The following POF1B variants were observed in gnomAD, a reference collection of about 807,000 sequenced individuals.
POF1B encodes POF1B actin binding protein.
In POF1B, 53 loss-of-function variants were observed where a neutral mutation model predicts 55.3. That is an observed-to-expected ratio of 0.96 (90% CI 0.77 to 1.20). The LOEUF (loss-of-function observed/expected upper bound fraction) is 1.20, where lower values mean the gene tolerates loss of function less well. Among genes scored for constraint, POF1B ranks in the 50% most tolerant of loss-of-function variants. POF1B has a pLI of 0.00. For synonymous variants in POF1B, 188 were observed against 148.3 expected (o/e 1.27, Z -1.95); for missense variants, 478 against 420.5 (o/e 1.14, Z -1.20).
chrX:85,352,229 T>C (rs1933405369), intron 4 of POF1B, among the ~76,000 whole-genome samples: 2 of 111,301 alleles, frequency 1.8e-5, no homozygotes, highest in Non-Finnish European at 3.8e-5. Flanking sequence ...TCCTTTGGTT[T>C]TCATTTGAAG....
At chrX:85,307,858 TGACTCTCTGGCTTTAAGCATTAAATTGCC>T (rs779597783) in intron 10 of POF1B, among the ~76,000 whole-genome samples, 1 of 112,194 alleles carries the variant, frequency 8.9e-6, no homozygotes, top group Non-Finnish European at 1.9e-5. Context: ...ACTTTGCAGA[TGACTCTCTGGCTTTAAGCATTAAATTGCC>T]TTAGTGGTAA....
At chrX:85,371,833 G>A (rs2343538) in intron 2 of POF1B, among the ~76,000 whole-genome samples, 7,340 of 111,018 alleles carry the variant, frequency 0.066, 543 homozygotes, top group African/African-American at 0.22. Flanking sequence ...AAAACGCGTG[G>A]TACATTTACA....
At chrX:85,311,277 C>T (rs756743710) in intron 9 of POF1B, among the ~76,000 whole-genome samples, 133 of 110,847 alleles carry the variant, frequency 1.2e-3, no homozygotes, top group African/African-American at 4.2e-3. Flanking sequence ...TAGGTATACA[C>T]GTGCCATGGT....
chrX:85,320,545 A>G (rs963589050), intron 7 of POF1B, among the ~76,000 whole-genome samples: 2 of 111,369 alleles, frequency 1.8e-5, no homozygotes, highest in African/African-American at 6.5e-5. Context: ...AAAAAGCAAG[A>G]GCAAACACAT....
intron 8 of POF1B, among the ~76,000 whole-genome samples, chrX:85,314,874 AG>A (rs1019829794): frequency 9.8e-5 from 11 of 111,810 alleles, no homozygotes; most frequent in Non-Finnish European, 1.9e-4. Context: ...GTTGAGTGAC[AG>A]ATATGACATT....
intron 15 of POF1B, among the ~76,000 whole-genome samples, chrX:85,283,904 C>CA (rs1241338241): frequency 1.8e-5 from 2 of 111,154 alleles, no homozygotes; most frequent in African/African-American, 6.5e-5. Flanking sequence ...TGTTAAAGTA[C>CA]TTTTTTAAAA....
intron 7 of POF1B, among the ~76,000 whole-genome samples, chrX:85,325,844 G>T (rs911676574): frequency 1.8e-5 from 2 of 111,252 alleles, no homozygotes; most frequent in East Asian, 5.7e-4. Context: ...CCTTTGGTTG[G>T]TTATTTTTTT....
At chrX:85,284,779 T>C (rs1177274301) in intron 15 of POF1B, among the ~76,000 whole-genome samples, 1 of 111,687 alleles carries the variant, frequency 9.0e-6, no homozygotes, top group Non-Finnish European at 1.9e-5. Context: ...CCAAAAGCAA[T>C]GGCAACAAAA....
intron 9 of POF1B, among the ~76,000 whole-genome samples, chrX:85,311,826 A>C (rs1428406855): frequency 3.6e-5 from 4 of 110,711 alleles, no homozygotes; most frequent in Non-Finnish European, 5.7e-5. Flanking sequence ...CTCCACATCC[A>C]CTCCAGCATC....
chrX:85,319,666 G>A (rs965330127), intron 7 of POF1B, among the ~76,000 whole-genome samples: 1 of 111,220 alleles, frequency 9.0e-6, no homozygotes, highest in Non-Finnish European at 1.9e-5. Context: ...ATGGTAAGTA[G>A]CATTTATTGA....
intron 6 of POF1B, among the ~76,000 whole-genome samples, chrX:85,342,972 T>C (rs760467050): frequency 1.9e-5 from 2 of 105,885 alleles, no homozygotes; most frequent in South Asian, 8.6e-4. Flanking sequence ...TGTAGAGTGG[T>C]GCTTCCAAGG....
chrX:85,354,207 C>A (rs1463282533), intron 4 of POF1B, among the ~76,000 whole-genome samples: 1 of 110,685 alleles, frequency 9.0e-6, no homozygotes, highest in South Asian at 3.8e-4. Flanking sequence ...GTAAAAATGA[C>A]ACTTGTTTTA....
intron 3 of POF1B, among the ~76,000 whole-genome samples, chrX:85,364,805 G>A (rs750556672): frequency 4.0e-4 from 45 of 112,020 alleles, no homozygotes; most frequent in African/African-American, 1.4e-3. Context: ...CTCTAGCAAG[G>A]CTAGGGAAGT....
chrX:85,310,049 G>C (rs1271163992), intron 9 of POF1B, among the ~76,000 whole-genome samples: 1 of 111,664 alleles, frequency 9.0e-6, no homozygotes, highest in Non-Finnish European at 1.9e-5. Flanking sequence ...ATGAGACCCA[G>C]AGAGTCACAA....
chrX:85,323,479 A>G (rs1449101900), intron 7 of POF1B, among the ~76,000 whole-genome samples: 1 of 108,256 alleles, frequency 9.2e-6, no homozygotes, highest in East Asian at 2.9e-4. Context: ...TAGCATTAGG[A>G]GATATACCTA....
At chrX:85,290,136 A>G (rs544739799) in intron 15 of POF1B, among the ~76,000 whole-genome samples, 1 of 110,849 alleles carries the variant, frequency 9.0e-6, no homozygotes, top group East Asian at 2.9e-4. Context: ...AGTAGTCCCC[A>G]GTGTCTACTG....
In POF1B at chrX:85,351,384, G is replaced by GT. The variant is rs1933384093; in HGVS notation, c.505dup (p.Thr169AsnfsTer11). 3 of 1,196,855 alleles carry GT rather than the reference G, an allele frequency of 2.5e-6. No individual in the cohort carries two copies. Among genetic ancestry groups the GT allele is most frequent in the South Asian group, 3.6e-5 (2 of 55,430 alleles). On this transcript the variant is annotated frameshift_variant, in exon 5 of 17. Transcript: ENST00000262753. LOFTEE classifies it high-confidence loss of function. The stretch of plus-strand genomic sequence containing the variant: ...ATTTAGCTTCTCCACTTTTCTTATT[G>GT]TTTTTTCATAAATAACATTGTTTCC...
chrX:85,375,744 C>CA (rs770852804), intron 2 of POF1B, among the ~76,000 whole-genome samples: 42 of 111,279 alleles, frequency 3.8e-4, no homozygotes, highest in Middle Eastern at 4.7e-3. Flanking sequence ...AGAAAAAGCA[C>CA]AAAAAAATCA....
chrX:85,354,112 C>T (rs748021410), intron 4 of POF1B, among the ~76,000 whole-genome samples: 136 of 110,779 alleles, frequency 1.2e-3, no homozygotes, highest in African/African-American at 4.4e-3. Flanking sequence ...TTATTGGAGG[C>T]TCAGTTTTCT....
Sources: allele counts gnomAD v4.1 joint callset (sites outside exome capture counted in the v4.1 genomes callset), GRCh38; gene constraint gnomAD v4.1.1; transcripts MANE v1.5; gene names NCBI Gene and HGNC (gene_info 2026-07-23, HGNC 2026-07-21).